The following GALNT5 variants were observed in gnomAD, a reference collection of about 807,000 sequenced individuals.
The protein encoded by GALNT5 is polypeptide N-acetylgalactosaminyltransferase 5, also known as UDP-GalNAc:polypeptide N-acetylgalactosaminyltransferase 5.
A neutral mutation model predicts 85.4 loss-of-function variants in GALNT5; 72 were observed. That is an observed-to-expected ratio of 0.84 (90% confidence interval 0.70 to 1.03). GALNT5 has a LOEUF of 1.03. Ranked by LOEUF, GALNT5 falls within the 50% of genes least tolerant of loss-of-function variation. The probability of loss-of-function intolerance (pLI) is 0.00; values close to 1 mark genes in which losing one functional copy is unlikely to be tolerated. For synonymous variants in GALNT5, 404 were observed against 397.0 expected (o/e 1.02, Z -0.21); for missense variants, 1,137 against 1,135.5 (o/e 1.00, Z -0.02).
At chr2:157,295,082 T>C (rs1683185906) in intron 3 of GALNT5, among the ~76,000 whole-genome samples, 1 of 152,154 alleles carries the variant, frequency 6.6e-6, no homozygotes. Flanking sequence ...TACGTTCACA[T>C]TGGTGTGCAG....
chr2:157,272,949 G>A (rs1318406926), intron 1 of GALNT5, among the ~76,000 whole-genome samples: 1 of 152,186 alleles, frequency 6.6e-6, no homozygotes, highest in Non-Finnish European at 1.5e-5. Flanking sequence ...TTCTACAGTG[G>A]CTAAACTAAT....
intron 2 of GALNT5, among the ~76,000 whole-genome samples, chr2:157,285,516 T>C (rs1320774215): frequency 6.6e-6 from 1 of 152,168 alleles, no homozygotes; most frequent in Non-Finnish European, 1.5e-5. Context: ...CCCGGAAAAC[T>C]GTTCCTTTAG....
chr2:157,289,236 T>C (rs1164538392), intron 3 of GALNT5, among the ~76,000 whole-genome samples: 1 of 152,198 alleles, frequency 6.6e-6, no homozygotes, highest in Non-Finnish European at 1.5e-5. Context: ...ATGAGCTTGA[T>C]TAAAGCAGTT....
At chr2:157,308,043 C>A (rs1165102724) in intron 8 of GALNT5, among the ~76,000 whole-genome samples, 2 of 152,166 alleles carry the variant, frequency 1.3e-5, no homozygotes, top group African/African-American at 2.4e-5. Flanking sequence ...ACCTTTCCTA[C>A]AATCGGACAA....
At chr2:157,261,415 A>G (rs1682337425) in intron 1 of GALNT5, among the ~76,000 whole-genome samples, 1 of 152,178 alleles carries the variant, frequency 6.6e-6, no homozygotes, top group African/African-American at 2.4e-5. Flanking sequence ...GCAGCCCAGG[A>G]AAGTTACAGT....
rs1218164685 is a variant in GALNT5, at chr2:157,286,114, C to G, written c.1721C>G (p.Ala574Gly). The change falls in exon 3 of 10, where the codon GCA (alanine) becomes GGA (glycine). Residue 574 changes from alanine to glycine, a missense_variant. Transcript: ENST00000259056. ...ERHGLIRARL[A>G]GAQNATGDVL... ...CATGGCTTAATAAGGGCCAGGCTGG[C>G]AGGAGCACAGAATGCAACAGGTAAG... 1 of 1,613,178 alleles carries G rather than the reference C, an allele frequency of 6.2e-7. No homozygotes were observed. Among genetic ancestry groups the G allele is most frequent in the African/African-American group, 1.3e-5 (1 of 74,906 alleles).
At chr2:157,283,358 G>A (rs1682896287) in intron 1 of GALNT5, among the ~76,000 whole-genome samples, 2 of 152,294 alleles carry the variant, frequency 1.3e-5, no homozygotes, top group South Asian at 4.1e-4. Context: ...TGCTTATGAA[G>A]AGTGGCACAG....
chr2:157,289,537 A>C (rs1683048683), intron 3 of GALNT5, among the ~76,000 whole-genome samples: 3 of 152,192 alleles, frequency 2.0e-5, no homozygotes, highest in Non-Finnish European at 4.4e-5. Context: ...ATCTCAATAA[A>C]TTGATTTAGT....
At chr2:157,298,945 G>A (rs982424006) in intron 5 of GALNT5, 3 of 152,020 alleles carry the variant, frequency 2.0e-5, no homozygotes, top group Non-Finnish European at 4.4e-5. Context: ...CGGAAGACCG[G>A]AAGACCGGAA....
rs75232669 is a variant in GALNT5, at chr2:157,291,432, C to T, written c.1742-4231C>T. Among the ~76,000 whole-genome samples, 1,387 of 152,170 alleles carry T rather than the reference C, an allele frequency of 9.1e-3. 20 individuals are homozygous for T. The highest frequency in any genetic ancestry group is 0.031 in the African/African-American group (1,307 of 41,506). On this transcript the variant is annotated intron_variant, in intron 3 of 9. Coordinates refer to ENST00000259056, the MANE Select transcript of GALNT5 (RefSeq NM_014568.3). ...TATCTGCTGCAGGTAAAAATTTTTTCCTTAGCATTACTTAGGAGGCATTAT... is the reference window on the plus strand; with the variant it reads ...TATCTGCTGCAGGTAAAAATTTTTTTCTTAGCATTACTTAGGAGGCATTAT...
At chr2:157,289,286 T>G (rs1439098523) in intron 3 of GALNT5, among the ~76,000 whole-genome samples, 1 of 152,200 alleles carries the variant, frequency 6.6e-6, no homozygotes. Flanking sequence ...ACATCCATAA[T>G]GTAATTTATT....
At chr2:157,305,679 T>C in intron 7 of GALNT5, 70 bp from the exon 8 acceptor site, 1 of 870,402 alleles carries the variant, frequency 1.1e-6, no homozygotes, top group Non-Finnish European at 1.9e-6. Flanking sequence ...CTGTATTTTC[T>C]AAATGTGTCT....
In GALNT5 at chr2:157,265,466, C is replaced by T. The variant is rs530643337; in HGVS notation, c.1454+5930C>T. 2.6e-4 allele frequency among the ~76,000 whole-genome samples: 39 copies of T among 152,308 alleles called. No homozygotes were observed. In the East Asian group the frequency reaches 6.7e-3, roughly 26 times the overall value. On this transcript the variant is annotated intron_variant, in intron 1 of 9. Transcript: ENST00000259056. ...TAAACAGTGCCTAATTAATAGAAAA[C>T]AGAAATGTTAAAGTGAATTCCTGAC...
At chr2:157,283,804 A>C (rs973594388) in intron 1 of GALNT5, among the ~76,000 whole-genome samples, 25 of 152,240 alleles carry the variant, frequency 1.6e-4, no homozygotes, top group Non-Finnish European at 1.2e-4. Context: ...CTTTGTATGT[A>C]CATTATCACT....
At chr2:157,283,653 T>C (rs1431411684) in intron 1 of GALNT5, among the ~76,000 whole-genome samples, 2 of 152,034 alleles carry the variant, frequency 1.3e-5, no homozygotes, top group Non-Finnish European at 2.9e-5. Flanking sequence ...CCATGGCAGT[T>C]GGCAGACAGC....
rs1683578676 is a variant in GALNT5, at chr2:157,311,803, G to T, written c.*455G>T. The T allele has an allele frequency of 6.5e-6, 1 of 153,814 alleles. No homozygotes were observed. The highest frequency in any genetic ancestry group is 1.4e-5 in the Non-Finnish European group (1 of 69,252). The allele number at this position is 153,814 out of a possible 1,614,324, so 9.5% of individuals were successfully genotyped here. A position where few individuals can be genotyped will look rare whatever the true frequency, so the allele number is the denominator to read the frequency against. The stretch of plus-strand genomic sequence containing the variant: ...AACAAAAATTTCTTGAGTTCTTATG[G>T]CTAGAAGACCTCAGATGCCCACAGC... On this transcript the variant is annotated 3_prime_UTR_variant, in exon 10 of 10. Coordinates refer to ENST00000259056, the MANE Select transcript of GALNT5 (RefSeq NM_014568.3).
rs1055814516 is a variant in GALNT5 at position 157,279,552 on chromosome 2, C to T, written c.1455-4730C>T. 5.3e-5 allele frequency among the ~76,000 whole-genome samples: 8 copies of T among 152,206 alleles called. No individual in the cohort carries two copies. The South Asian group carries it at 6.2e-4, about 12-fold the overall frequency. On this transcript the variant is annotated intron_variant, in intron 1 of 9. Coordinates refer to ENST00000259056, the MANE Select transcript of GALNT5 (RefSeq NM_014568.3). Reference sequence around the variant, plus strand: ...GACGTCCCTCCCCGAGCCAGGCTGCCGCCTCCCAGTTTGATCTCAGACTGC... The same window carrying T: ...GACGTCCCTCCCCGAGCCAGGCTGCTGCCTCCCAGTTTGATCTCAGACTGC...
chr2:157,279,526 G>A (rs946128352), intron 1 of GALNT5, among the ~76,000 whole-genome samples: 2 of 152,240 alleles, frequency 1.3e-5, no homozygotes, highest in Admixed American at 6.5e-5. Context: ...CAGCAATGGT[G>A]GACGTCCCTC....
At chr2:157,310,926 T>C (rs1194215809) in intron 9 of GALNT5, among the ~76,000 whole-genome samples, 2 of 152,244 alleles carry the variant, frequency 1.3e-5, no homozygotes. Flanking sequence ...ATGTTTTCTC[T>C]TTAAAGAGTA....
Sources: gnomAD v4.1 joint callset for allele counts (sites outside exome capture counted in the v4.1 genomes callset) on GRCh38, gnomAD v4.1.1 for gene constraint, MANE v1.5 for transcripts, NCBI Gene and HGNC (gene_info 2026-07-23, HGNC 2026-07-21) for gene names.